Variants in CTXN2 observed in about 807,000 individuals in gnomAD.
The protein encoded by CTXN2 is cortexin 2.
Under a neutral mutation model 5.7 loss-of-function variants are expected in CTXN2, and 3 were observed. The observed-to-expected ratio is 0.53, with a 90% confidence interval of 0.24 to 1.36. The LOEUF (loss-of-function observed/expected upper bound fraction) is 1.36, where lower values mean the gene tolerates loss of function less well. Among genes scored for constraint, CTXN2 ranks in the 40% most tolerant of loss-of-function variants. The probability of loss-of-function intolerance (pLI) is 0.17; values close to 1 mark genes in which losing one functional copy is unlikely to be tolerated. For missense variants in CTXN2, 87 were observed against 93.0 expected (o/e 0.94, Z 0.26); for synonymous variants, 38 against 36.4 (o/e 1.04, Z -0.16).
At chr15:48,181,868 G>T (rs904175376) in intron 1 of CTXN2, among the ~76,000 whole-genome samples, 1 of 152,050 alleles carries the variant, frequency 6.6e-6, no homozygotes, top group African/African-American at 2.4e-5. Flanking sequence ...GGATTTGAAG[G>T]CATGAAGTTT....
At chr15:48,195,104 A>G (rs1221229111) in intron 1 of CTXN2, among the ~76,000 whole-genome samples, 2 of 152,154 alleles carry the variant, frequency 1.3e-5, no homozygotes, top group Non-Finnish European at 2.9e-5. Context: ...CAAATTCACC[A>G]AGTCCAGAAA....
chr15:48,180,536 G>T (rs1360489759), intron 1 of CTXN2, among the ~76,000 whole-genome samples: 1 of 152,078 alleles, frequency 6.6e-6, no homozygotes, highest in East Asian at 1.9e-4. Context: ...TTTTGAGATG[G>T]AGTCTCGCTC....
chr15:48,191,627 C>T (rs1347057683), upstream of CTXN2: 1 of 438,046 alleles, frequency 2.3e-6, no homozygotes, highest in Non-Finnish European at 4.6e-6. Context: ...TGCAAACGCG[C>T]GCGCGCACAC....
At chr15:48,188,183 T>G (rs1229394972), upstream of CTXN2, among the ~76,000 whole-genome samples, 1 of 151,348 alleles carries the variant, frequency 6.6e-6, no homozygotes, top group Non-Finnish European at 1.5e-5. Context: ...AAAATAATAT[T>G]ATCATTACCT....
intron 1 of CTXN2, among the ~76,000 whole-genome samples, chr15:48,184,030 C>T (rs2040725232): frequency 6.6e-6 from 1 of 152,168 alleles, no homozygotes; most frequent in Non-Finnish European, 1.5e-5. Context: ...CTACTGTAGA[C>T]TAAAAAATTA....
chr15:48,201,204 T>C (rs530158839), intron 1 of CTXN2, 40 bp from the exon 2 acceptor site: 1 of 1,307,364 alleles, frequency 7.6e-7, no homozygotes, highest in African/African-American at 1.5e-5. Flanking sequence ...CCCAATACCA[T>C]ACAAGGGTAA....
At chr15:48,180,058 T>A (rs1350460621) in intron 1 of CTXN2, among the ~76,000 whole-genome samples, 2 of 152,230 alleles carry the variant, frequency 1.3e-5, no homozygotes, top group Non-Finnish European at 1.5e-5. Flanking sequence ...TAAAAAGTAC[T>A]ATTTAAGTGC....
intron 1 of CTXN2, among the ~76,000 whole-genome samples, chr15:48,196,517 G>T (rs1229589876): frequency 6.6e-6 from 1 of 152,036 alleles, no homozygotes; most frequent in African/African-American, 2.4e-5. Context: ...ATTTATTAGG[G>T]TAGTTCAGAT....
upstream of CTXN2, chr15:48,189,454 T>C (rs925670200): frequency 2.6e-5 from 4 of 152,216 alleles, no homozygotes; most frequent in East Asian, 5.8e-4. Context: ...ATTGGAGTGG[T>C]GCTTATACAT....
chr15:48,197,926 G>C (rs1374795461), intron 1 of CTXN2, among the ~76,000 whole-genome samples: 3 of 152,102 alleles, frequency 2.0e-5, no homozygotes, highest in African/African-American at 7.2e-5. Flanking sequence ...AAGGGTAACA[G>C]TCAAGTAATG....
At chr15:48,182,301 A>T (rs868132746) in intron 1 of CTXN2, among the ~76,000 whole-genome samples, 6 of 152,276 alleles carry the variant, frequency 3.9e-5, no homozygotes, top group Middle Eastern at 3.4e-3. Context: ...CCAGGCAGAA[A>T]CTCCACTTTT....
chr15:48,201,324 C>A lies in CTXN2; in HGVS notation c.24C>A (p.Asn8Lys). The change falls in exon 2 of 2, where the codon AAC (asparagine) becomes AAA (lysine). Residue 8 changes from asparagine (N) to lysine (K), a missense_variant. Coordinates refer to ENST00000417307, the MANE Select transcript of CTXN2 (RefSeq NM_001145668.2). MSSTYCG[N>K]SSAKMSVNEV... ...TAATGAGTAGTACCTACTGTGGCAA[C>A]TCTTCAGCTAAGATGAGTGTCAACG... 3.2e-6 allele frequency: 5 copies of A among 1,551,318 alleles called. No homozygotes were observed. The highest frequency in any genetic ancestry group is 4.4e-6 in the Non-Finnish European group (5 of 1,146,678).
intron 1 of CTXN2, among the ~76,000 whole-genome samples, chr15:48,183,635 A>G (rs2040720590): frequency 6.6e-6 from 1 of 152,182 alleles, no homozygotes; most frequent in Admixed American, 6.5e-5. Context: ...CAATCCATTC[A>G]TTCATTGTGT....
upstream of CTXN2, among the ~76,000 whole-genome samples, chr15:48,188,664 T>G (rs908466002): frequency 1.3e-5 from 2 of 152,112 alleles, no homozygotes; most frequent in African/African-American, 4.8e-5. Flanking sequence ...CTAAACAATG[T>G]CACCAACATA....
upstream of CTXN2, among the ~76,000 whole-genome samples, chr15:48,191,243 C>T (rs1354502680): frequency 2.0e-5 from 3 of 152,210 alleles, no homozygotes; most frequent in Admixed American, 2.0e-4. Context: ...CTACTGAAAA[C>T]GGCTGTCACC....
rs2040935691 is a variant in CTXN2, at chr15:48,202,344, A to G, written c.*798A>G. On this transcript the variant is annotated 3_prime_UTR_variant, in exon 2 of 2. Transcript: ENST00000417307. ...ATGGGTAAGTCATCTAATCTCTGTG[A>G]GCTTCAGTGAAGAGTAGTGTTAACA... The G allele has an allele frequency of 6.0e-6, 1 of 167,098 alleles. No homozygotes were observed. Among genetic ancestry groups the G allele is most frequent in the African/African-American group, 2.4e-5 (1 of 41,464 alleles). The allele number at this position is 167,098 out of a possible 1,614,324, so 10.4% of individuals were successfully genotyped here.
chr15:48,179,258 A>G (rs1055228404), intron 1 of CTXN2, among the ~76,000 whole-genome samples: 2 of 152,140 alleles, frequency 1.3e-5, no homozygotes, highest in Non-Finnish European at 2.9e-5. Context: ...AAACACGTAC[A>G]GTTTAGTCAC....
chr15:48,200,765 A>G (rs1206553238), intron 1 of CTXN2, among the ~76,000 whole-genome samples: 1 of 152,204 alleles, frequency 6.6e-6, no homozygotes, highest in Non-Finnish European at 1.5e-5. Context: ...AAGTCATTAT[A>G]TCTGTTTAAA....
upstream of CTXN2, chr15:48,189,204 TAATG>T (rs2040789088): frequency 6.6e-6 from 1 of 152,198 alleles, no homozygotes; most frequent in African/African-American, 2.4e-5. Flanking sequence ...TCAGAAGCAT[TAATG>T]GGAAACGCTA....
Sources: gnomAD v4.1 joint callset for allele counts (sites outside exome capture counted in the v4.1 genomes callset) on GRCh38, gnomAD v4.1.1 for gene constraint, MANE v1.5 for transcripts, NCBI Gene and HGNC (gene_info 2026-07-23, HGNC 2026-07-21) for gene names.